Variants in USP4 observed in about 807,000 individuals in gnomAD.
USP4 encodes the protein ubiquitin carboxyl-terminal hydrolase 4.
A neutral mutation model predicts 118.2 loss-of-function variants in USP4; 72 were observed. The observed-to-expected ratio is 0.61, with a 90% CI of 0.50 to 0.74. The LOEUF is 0.74. Ranked by LOEUF, USP4 falls within the 30% of genes least tolerant of loss-of-function variation. The pLI is 0.00. For missense variants in USP4, 1,037 were observed against 1,185.7 expected (o/e 0.87, Z 1.84); for synonymous variants, 415 against 440.4 (o/e 0.94, Z 0.72).
rs754642053 is a variant in USP4 at position 49,295,701 on chromosome 3, TGC to T, written c.1692-1105_1692-1104del. On this transcript the variant is annotated intron_variant, in intron 13 of 21. Coordinates refer to ENST00000265560, the MANE Select transcript of USP4 (RefSeq NM_003363.4). ...TTTTGAAACTAAACATATGCACGTG[TGC>T]GCGCGCGCGCGCACACACACACACA... Among the ~76,000 whole-genome samples, 13 of 146,112 alleles carry T rather than the reference TGC, an allele frequency of 8.9e-5. No homozygotes were observed. In the East Asian group the frequency reaches 9.9e-4, roughly 11 times the overall value.
chr3:49,325,439 C>T (rs1159102122), intron 4 of USP4, among the ~76,000 whole-genome samples: 1 of 151,878 alleles, frequency 6.6e-6, no homozygotes, highest in African/African-American at 2.4e-5. Flanking sequence ...CACTGTAAAC[C>T]TTGCTGAGAT....
At chr3:49,326,771 G>T (rs1422404717) in intron 3 of USP4, among the ~76,000 whole-genome samples, 1 of 132,244 alleles carries the variant, frequency 7.6e-6, no homozygotes, top group Non-Finnish European at 1.6e-5. Context: ...GGGTGATCTC[G>T]GCTTACTGCA....
chr3:49,325,927 A>G, intron 3 of USP4, 82 bp from the exon 4 acceptor site: 1 of 1,538,904 alleles, frequency 6.5e-7, no homozygotes, highest in Non-Finnish European at 8.8e-7. Context: ...TCAGAAGCAA[A>G]AAGCAGAAAA....
chr3:49,335,634 G>A (rs1559482746), intron 1 of USP4, 38 bp from the exon 2 acceptor site: 1 of 1,611,928 alleles, frequency 6.2e-7, no homozygotes. Context: ...CAGAAAAGCT[G>A]AGATTATAAA....
At chr3:49,286,603 C>T (rs1390786340) in intron 15 of USP4, among the ~76,000 whole-genome samples, 1 of 152,116 alleles carries the variant, frequency 6.6e-6, no homozygotes, top group Non-Finnish European at 1.5e-5. Flanking sequence ...GCCCTGCCAT[C>T]CTGTCTACTG....
intron 8 of USP4, among the ~76,000 whole-genome samples, chr3:49,306,556 G>A (rs1040531568): frequency 6.6e-6 from 1 of 151,850 alleles, no homozygotes; most frequent in African/African-American, 2.4e-5. Flanking sequence ...CTTCCTTTGG[G>A]TTCTTTTTCC....
intron 7 of USP4, among the ~76,000 whole-genome samples, chr3:49,311,231 C>G (rs1284450219): frequency 6.6e-6 from 1 of 152,168 alleles, no homozygotes; most frequent in South Asian, 2.1e-4. Flanking sequence ...TACGGGCCAG[C>G]CCATCCCTTC....
rs377601795 is a variant in USP4, at chr3:49,286,098, A to C, written c.2200T>G (p.Ser734Ala). Residue 734 changes from serine (S) to alanine (A), a missense_variant and splice_region_variant, in exon 16 of 22, where the codon TCT becomes GCT. Transcript: ENST00000265560. ...AADGKLLKLNSRSTLAMDWDS... is the reference protein window; with the variant it reads ...AADGKLLKLNARSTLAMDWDS... Reference sequence around the variant, plus strand: ...TTGAAAGGTCAGAAAAAGTGCTTACAGTTGAGTTTAAGTAGTTTTCCATCA... The same window carrying C: ...TTGAAAGGTCAGAAAAAGTGCTTACCGTTGAGTTTAAGTAGTTTTCCATCA... 1.2e-6 allele frequency: 2 copies of C among 1,614,134 alleles called. No homozygotes were observed. The highest frequency in any genetic ancestry group is 1.7e-6 in the Non-Finnish European group (2 of 1,179,976).
intron 8 of USP4, 87 bp downstream of exon 8, chr3:49,310,533 G>C: frequency 1.7e-6 from 2 of 1,143,200 alleles, no homozygotes; most frequent in Non-Finnish European, 2.7e-6. Flanking sequence ...GGGACTCCTG[G>C]GAGAGGATCC....
At chr3:49,305,070 T>G (rs1229723430) in intron 9 of USP4, among the ~76,000 whole-genome samples, 4 of 140,754 alleles carry the variant, frequency 2.8e-5, no homozygotes, top group Non-Finnish European at 6.2e-5. Flanking sequence ...ACTTTTTTGT[T>G]GTTGTTGTTG....
At position 49,339,976 on chromosome 3, in the gene USP4, T is replaced by G; in HGVS notation, c.49A>C (p.Lys17Gln). The G allele has an allele frequency of 6.2e-7, 1 of 1,612,606 alleles. No homozygotes were observed. The highest frequency in any genetic ancestry group is 8.5e-7 in the Non-Finnish European group (1 of 1,179,890). Residue 17 changes from lysine (K) to glutamine (Q), a missense_variant, in exon 1 of 22, where the codon AAG becomes CAG. Coordinates refer to ENST00000265560, the MANE Select transcript of USP4 (RefSeq NM_003363.4). ...CTCATTAAGGGTCCAAGCTCGGACTTCTGAGTCTCCGCATCCGGTCGCTCA... is the reference window on the plus strand; with the variant it reads ...CTCATTAAGGGTCCAAGCTCGGACTGCTGAGTCTCCGCATCCGGTCGCTCA... Reference protein sequence around the residue: ...CRERPDAETQKSELGPLMRTT... With the variant: ...CRERPDAETQQSELGPLMRTT...
At chr3:49,292,880 A>C (rs2047165223) in intron 14 of USP4, among the ~76,000 whole-genome samples, 1 of 150,264 alleles carries the variant, frequency 6.7e-6, no homozygotes, top group Non-Finnish European at 1.5e-5. Context: ...AACTAAAAAA[A>C]TTAGCTGGGC....
chr3:49,310,796 T>C (rs1300325443), intron 7 of USP4, 59 bp from the exon 8 acceptor site: 3 of 1,394,014 alleles, frequency 2.2e-6, no homozygotes, highest in Non-Finnish European at 1.0e-6. Flanking sequence ...GCCCTCAAGA[T>C]GCTTTTTGAG....
At chr3:49,317,316 C>T in intron 6 of USP4, 1 of 1,377,148 alleles carries the variant, frequency 7.3e-7, no homozygotes. Context: ...TCTCTGTCAG[C>T]TGCCTCACCT....
At chr3:49,293,813 T>C (rs1480464145) in intron 14 of USP4, among the ~76,000 whole-genome samples, 1 of 152,194 alleles carries the variant, frequency 6.6e-6, no homozygotes, top group African/African-American at 2.4e-5. Context: ...TTCAGAACGA[T>C]AGTGGAACAC....
chr3:49,310,336 C>G (rs900044382), intron 8 of USP4, among the ~76,000 whole-genome samples: 6 of 152,176 alleles, frequency 3.9e-5, no homozygotes, highest in African/African-American at 1.4e-4. Flanking sequence ...CAGGGATGCA[C>G]TCCAATATTT....
At chr3:49,306,281 C>A (rs2047316633) in intron 8 of USP4, among the ~76,000 whole-genome samples, 1 of 150,020 alleles carries the variant, frequency 6.7e-6, no homozygotes. Flanking sequence ...TGGCTCACTG[C>A]ATCCTCTGTC....
rs1218501510 is a variant in USP4, at chr3:49,313,856, GT to G, written c.696-2203del. On this transcript the variant is annotated intron_variant, in intron 6 of 21. Coordinates refer to ENST00000265560, the MANE Select transcript of USP4 (RefSeq NM_003363.4). The stretch of plus-strand genomic sequence containing the variant: ...GGAAGAAAGTAAATCTTATTTTAAA[GT>G]TTTTAATTTTTACCTTTTTTTTTTG... 5.9e-5 allele frequency: 9 copies of G among 151,908 alleles called. No homozygotes were observed. In the East Asian group the frequency reaches 1.7e-3, roughly 29 times the overall value. 9.4% of individuals were successfully genotyped at this position (151,908 alleles called of 1,614,324 possible). A position where few individuals can be genotyped will look rare whatever the true frequency, so the allele number is the denominator to read the frequency against.
At chr3:49,325,457 T>C (rs1048175695) in intron 4 of USP4, among the ~76,000 whole-genome samples, 1 of 151,984 alleles carries the variant, frequency 6.6e-6, no homozygotes, top group Non-Finnish European at 1.5e-5. Context: ...GATTTTTAAA[T>C]AAGTTATTTT....
Sources: allele counts gnomAD v4.1 joint callset (sites outside exome capture counted in the v4.1 genomes callset), GRCh38; gene constraint gnomAD v4.1.1; transcripts MANE v1.5; gene names NCBI Gene and HGNC (gene_info 2026-07-23, HGNC 2026-07-21).